U2SURP: variants seen among roughly 807,000 people sequenced by gnomAD.
U2SURP encodes the protein U2 snRNP-associated SURP motif-containing protein.
In U2SURP, 9 loss-of-function variants were observed where a neutral mutation model predicts 144.9. The ratio of observed to expected loss-of-function variants is 0.06; its 90% CI spans 0.04 to 0.11. The LOEUF is 0.11. Ranked by LOEUF, U2SURP falls within the 10% of genes least tolerant of loss-of-function variation. The probability of loss-of-function intolerance (pLI) is 1.00; values close to 1 mark genes in which losing one functional copy is unlikely to be tolerated. For missense variants in U2SURP, 724 were observed against 1,226.7 expected, an observed-to-expected ratio of 0.59 and a Z score of 6.12; for synonymous variants, 408 against 396.8, an observed-to-expected ratio of 1.03 and a Z score of -0.33.
chr3:143,049,953 C>A (rs1242790860), intron 24 of U2SURP, among the ~76,000 whole-genome samples: 1 of 151,992 alleles, frequency 6.6e-6, no homozygotes, highest in Non-Finnish European at 1.5e-5. Flanking sequence ...GTGTATTAGC[C>A]AGAAATCTCT....
chr3:143,004,573 A>ACCCCCCCCCCCCCC (rs753834748), intron 1 of U2SURP, among the ~76,000 whole-genome samples: 1 of 48,592 alleles, frequency 2.1e-5, no homozygotes, highest in Non-Finnish European at 3.4e-5. Context: ...TGACCTTGTG[A>ACCCCCCCCCCCCCC]CCCCCCCCCC....
chr3:143,046,270 T>TC (rs1172284807), intron 24 of U2SURP, among the ~76,000 whole-genome samples: 169 of 141,850 alleles, frequency 1.2e-3, no homozygotes, highest in African/African-American at 4.3e-3. Context: ...CCAGTTCTTT[T>TC]TTTTTTTTTT....
At chr3:143,026,862 T>C in intron 13 of U2SURP, 1 of 208,506 alleles carries the variant, frequency 4.8e-6, no homozygotes, top group Non-Finnish European at 9.5e-6. Context: ...TGTTTTACTT[T>C]TGGAAAATAA....
chr3:143,047,098 T>G (rs1205804783), intron 24 of U2SURP, among the ~76,000 whole-genome samples: 1 of 99,114 alleles, frequency 1.0e-5, no homozygotes, highest in Non-Finnish European at 2.0e-5. Flanking sequence ...GCAGAGGGGC[T>G]CCTCACTTCC....
At position 143,019,965 on chromosome 3, in the gene U2SURP, A is replaced by G. The variant is rs1936556270; in HGVS notation, c.571-4A>G. Reference sequence around the variant, plus strand: ...TGAAGTATAACTTGTCATATCCTTTATAGCCACTTAAAAAAGGAGAGAAAG... The same window carrying G: ...TGAAGTATAACTTGTCATATCCTTTGTAGCCACTTAAAAAAGGAGAGAAAG... On this transcript the variant is annotated splice_region_variant and splice_polypyrimidine_tract_variant and intron_variant, in intron 6 of 27. Coordinates refer to ENST00000473835, the MANE Select transcript of U2SURP (RefSeq NM_001080415.2). 2 of 1,498,462 alleles carry G rather than the reference A, an allele frequency of 1.3e-6. No individual in the cohort carries two copies. The highest frequency in any genetic ancestry group is 1.4e-5 in the African/African-American group (1 of 71,086). 92.8% of individuals were successfully genotyped at this position (1,498,462 alleles called of 1,614,324 possible). A position where few individuals can be genotyped will look rare whatever the true frequency, so the allele number is the denominator to read the frequency against.
Position 143,056,551 on chromosome 3 carries a change from C to A in U2SURP, c.*101C>A. On this transcript the variant is annotated 3_prime_UTR_variant, in exon 28 of 28. Transcript: ENST00000473835. ...ACAAAAAATCAAATGAAAGAGCATT[C>A]CTGGGGTTTTTTGTTTGTTTGTGTA... 1 of 1,444,952 alleles carries A rather than the reference C, an allele frequency of 6.9e-7. No homozygotes were observed. Among genetic ancestry groups the A allele is most frequent in the South Asian group, 1.4e-5 (1 of 70,328 alleles). 89.5% of individuals were successfully genotyped at this position (1,444,952 alleles called of 1,614,324 possible). A position where few individuals can be genotyped will look rare whatever the true frequency, so the allele number is the denominator to read the frequency against.
In U2SURP at chr3:143,004,579, C is replaced by T. The variant is rs1365788367; in HGVS notation, c.45+2906C>T. ...TTGGCCTCTTGACCTTGTGACCCCC[C>T]CCCCCCGCCTCGGCCTCCCAAAGTG... is the stretch of plus-strand genomic sequence containing the variant. On this transcript the variant is annotated intron_variant, in intron 1 of 27. Coordinates refer to ENST00000473835, the MANE Select transcript of U2SURP (RefSeq NM_001080415.2). Among the ~76,000 whole-genome samples, 3 of 81,256 alleles carry T rather than the reference C, an allele frequency of 3.7e-5. 1 individual carries two copies. Among genetic ancestry groups the T allele is most frequent in the South Asian group, 3.6e-4 (1 of 2,784 alleles). 53.3% of individuals were successfully genotyped at this position (81,256 alleles called of 152,430 possible). A position where few individuals can be genotyped will look rare whatever the true frequency, so the allele number is the denominator to read the frequency against.
At chr3:143,011,118 G>A (rs904323303) in intron 2 of U2SURP, among the ~76,000 whole-genome samples, 3 of 151,142 alleles carry the variant, frequency 2.0e-5, no homozygotes, top group African/African-American at 7.3e-5. Context: ...CATACATAAC[G>A]TATCTATACT....
intron 23 of U2SURP, among the ~76,000 whole-genome samples, chr3:143,039,946 C>A (rs1483794142): frequency 6.6e-6 from 1 of 151,820 alleles, no homozygotes; most frequent in Non-Finnish European, 1.5e-5. Context: ...ATGTGGCTTG[C>A]TAATGGAAAT....
At chr3:143,018,484 T>C (rs1936485033) in intron 6 of U2SURP, among the ~76,000 whole-genome samples, 1 of 152,228 alleles carries the variant, frequency 6.6e-6, no homozygotes, top group Admixed American at 6.5e-5. Context: ...ACTTTTCTGC[T>C]GTTAGAAATA....
At chr3:143,037,082 C>G in intron 20 of U2SURP, 97 bp from the exon 21 acceptor site, 1 of 1,166,584 alleles carries the variant, frequency 8.6e-7, no homozygotes, top group Admixed American at 2.4e-5. Context: ...TGTGGGTATC[C>G]AGTTATGTTG....
chr3:143,027,305 T>G (rs886770917), intron 14 of U2SURP, 52 bp downstream of exon 14: 1 of 1,405,704 alleles, frequency 7.1e-7, no homozygotes, highest in African/African-American at 1.4e-5. Flanking sequence ...ATTTCCCATT[T>G]TAACTATTTT....
rs753800668 is a variant in U2SURP at position 143,010,869 on chromosome 3, G to T, written c.90+10G>T. ...ATCTTCAGATGCACATGTGAGTATA[G>T]AAGGCAATCTTTGTCTTTTTTCCTT... On this transcript the variant is annotated intron_variant, in intron 2 of 27. Transcript: ENST00000473835. The T allele has an allele frequency of 2.6e-5, 42 of 1,599,130 alleles. No homozygotes were observed. Among genetic ancestry groups the T allele is most frequent in the Non-Finnish European group, 1.7e-6 (2 of 1,172,146 alleles).
At chr3:143,053,151 G>A (rs1026457735) in intron 25 of U2SURP, among the ~76,000 whole-genome samples, 1 of 151,848 alleles carries the variant, frequency 6.6e-6, no homozygotes, top group Non-Finnish European at 1.5e-5. Flanking sequence ...ATAGTTAGAG[G>A]GATCACTTTT....
At chr3:143,033,797 T>G (rs1251268351) in intron 18 of U2SURP, among the ~76,000 whole-genome samples, 1 of 152,286 alleles carries the variant, frequency 6.6e-6, no homozygotes, top group South Asian at 2.1e-4. Flanking sequence ...TTTGAATTTC[T>G]TAATGGTTTG....
In U2SURP at chr3:143,056,457, T is replaced by A. The variant is rs1198706349; in HGVS notation, c.*7T>A. ...AAAGAAAAACAAACACTGACGTAAATTTTTAAGATGCTGTCACTTATTGGA... is the reference window on the plus strand; with the variant it reads ...AAAGAAAAACAAACACTGACGTAAAATTTTAAGATGCTGTCACTTATTGGA... On this transcript the variant is annotated 3_prime_UTR_variant, in exon 28 of 28. Transcript: ENST00000473835. The A allele has an allele frequency of 6.2e-7, 1 of 1,610,872 alleles. No individual in the cohort carries two copies. The highest frequency in any genetic ancestry group is 1.3e-5 in the African/African-American group (1 of 74,702).
intron 19 of U2SURP, among the ~76,000 whole-genome samples, chr3:143,035,284 G>C (rs1003333556): frequency 2.6e-5 from 4 of 152,024 alleles, no homozygotes; most frequent in Non-Finnish European, 5.9e-5. Context: ...CTGGATTAAA[G>C]ACATACATTT....
At chr3:143,018,161 C>T (rs1259372392) in intron 6 of U2SURP, among the ~76,000 whole-genome samples, 1 of 152,092 alleles carries the variant, frequency 6.6e-6, no homozygotes, top group Non-Finnish European at 1.5e-5. Flanking sequence ...TTTTATCACC[C>T]TAAAAAGAAA....
chr3:143,005,008 A>G (rs1041094537), intron 1 of U2SURP, among the ~76,000 whole-genome samples: 6 of 152,100 alleles, frequency 3.9e-5, no homozygotes, highest in South Asian at 2.1e-4. Context: ...TTGACTGTCA[A>G]TTGTTTGCTT....
Sources: allele counts gnomAD v4.1 joint callset (sites outside exome capture counted in the v4.1 genomes callset), GRCh38; gene constraint gnomAD v4.1.1; transcripts MANE v1.5; gene names NCBI Gene and HGNC (gene_info 2026-07-23, HGNC 2026-07-21).